EPS15L1: variants seen among roughly 807,000 people sequenced by gnomAD.
EPS15L1 encodes the protein epidermal growth factor receptor substrate 15-like 1.
Under a neutral mutation model 117.1 loss-of-function variants are expected in EPS15L1, and 43 were observed. The ratio of observed to expected loss-of-function variants is 0.37; its 90% CI spans 0.29 to 0.47. EPS15L1 has a LOEUF of 0.47. EPS15L1 is among the 20% of genes least tolerant of loss of function. EPS15L1 has a pLI of 0.99. For synonymous variants in EPS15L1, 459 were observed against 470.5 expected, an observed-to-expected ratio of 0.98 and a Z score of 0.32; for missense variants, 981 against 1,164.0, an observed-to-expected ratio of 0.84 and a Z score of 2.29.
Position 16,393,967 on chromosome 19 carries a change from C to T in EPS15L1, c.1950G>A (p.Gln650=). ...GAATTTTACCTGTTGAAGTTGTCTG[C>T]TGTTCTGCAAAGGGGTCATTCTGGA... ...DPFQNDPFAE[Q]QTTSTDPFGG... is the part of the protein sequence containing the mutation. The change falls in exon 18 of 24, where the codon CAG becomes CAA. Residue 650 remains glutamine, a synonymous_variant. Transcript: ENST00000455140. The T allele has an allele frequency of 6.2e-7, 1 of 1,614,102 alleles. No individual in the cohort carries two copies. The highest frequency in any genetic ancestry group is 8.5e-7 in the Non-Finnish European group (1 of 1,179,948).
chr19:16,415,910 C>A (rs1170187330), intron 12 of EPS15L1, among the ~76,000 whole-genome samples: 1 of 152,228 alleles, frequency 6.6e-6, no homozygotes, highest in African/African-American at 2.4e-5. Flanking sequence ...CTCAAGACAC[C>A]CTCAGCCTTG....
rs750358393 is a variant in EPS15L1, at chr19:16,381,369, G to A, written c.2247+3760C>T. Among the ~76,000 whole-genome samples the A allele has an allele frequency of 6.6e-5, 10 of 152,338 alleles. No individual in the cohort carries two copies. In the South Asian group the frequency reaches 1.9e-3, roughly 28 times the overall value. ...CCACCAGACGCTGCCCTCAGCTGCCGAGGGCCACCCCAGTGGTGGGTCCAG... is the reference window on the plus strand; with the variant it reads ...CCACCAGACGCTGCCCTCAGCTGCCAAGGGCCACCCCAGTGGTGGGTCCAG... On this transcript the variant is annotated intron_variant, in intron 21 of 23. Transcript: ENST00000455140. This position sits in a 1 kb window ranked among gnomAD's most constrained non-coding sequence, Gnocchi z 4.2.
Position 16,370,259 on chromosome 19 carries a change from G to A in EPS15L1, c.2380+6863C>T, listed in dbSNP as rs541327001. Among the ~76,000 whole-genome samples the A allele has an allele frequency of 2.6e-5, 4 of 152,222 alleles. No individual in the cohort carries two copies. In the East Asian group the frequency reaches 5.8e-4, roughly 22 times the overall value. On this transcript the variant is annotated intron_variant, in intron 22 of 23. Coordinates refer to ENST00000455140, the MANE Select transcript of EPS15L1 (RefSeq NM_001258374.3). The surrounding 1 kb of genome is among the most constrained non-coding windows in gnomAD (Gnocchi z 5.2). ...GTTAGCAGTGGCAGGCAAGGGGCGCGCTGACTCAGGGCTTTGAATAGGAGA... is the reference window on the plus strand; with the variant it reads ...GTTAGCAGTGGCAGGCAAGGGGCGCACTGACTCAGGGCTTTGAATAGGAGA...
chr19:16,448,205 T>C (rs779361771), intron 1 of EPS15L1, among the ~76,000 whole-genome samples: 20 of 152,120 alleles, frequency 1.3e-4, no homozygotes, highest in Admixed American at 4.6e-4. Flanking sequence ...AAAGGAAAGA[T>C]TGGCAGACAA....
At chr19:16,414,558 G>A (rs1230685043) in intron 12 of EPS15L1, among the ~76,000 whole-genome samples, 1 of 151,912 alleles carries the variant, frequency 6.6e-6, no homozygotes, top group Non-Finnish European at 1.5e-5. Flanking sequence ...GTGCCACCAC[G>A]CCCAGCTAAT....
intron 20 of EPS15L1, 42 bp downstream of exon 20, chr19:16,386,129 C>A (rs780087442): frequency 6.7e-7 from 1 of 1,495,136 alleles, no homozygotes; most frequent in Non-Finnish European, 9.3e-7. Flanking sequence ...TCTGCTACTG[C>A]CCAAGGAATA....
At chr19:16,449,165 T>C (rs1195072156) in intron 1 of EPS15L1, among the ~76,000 whole-genome samples, 1 of 151,758 alleles carries the variant, frequency 6.6e-6, no homozygotes, top group Non-Finnish European at 1.5e-5. Flanking sequence ...TCCCAGCTAC[T>C]CAGGAAGCCA....
intron 1 of EPS15L1, among the ~76,000 whole-genome samples, chr19:16,445,979 G>T (rs987506024): frequency 1.3e-5 from 2 of 152,162 alleles, no homozygotes; most frequent in African/African-American, 4.8e-5. Context: ...CTTTCAGCTC[G>T]GTCTTTCAGT....
At chr19:16,423,262 A>G (rs2092835801) in intron 9 of EPS15L1, among the ~76,000 whole-genome samples, 1 of 152,122 alleles carries the variant, frequency 6.6e-6, no homozygotes, top group African/African-American at 2.4e-5. Flanking sequence ...TGATCAAACA[A>G]TTTATCAAAA....
chr19:16,420,088 G>A (rs947443860), intron 10 of EPS15L1, among the ~76,000 whole-genome samples: 4 of 152,174 alleles, frequency 2.6e-5, no homozygotes, highest in Non-Finnish European at 5.9e-5. Context: ...CTCCTGGTGT[G>A]TCATCTACAT....
At position 16,421,359 on chromosome 19, in the gene EPS15L1, T is replaced by C; in HGVS notation, c.910A>G (p.Met304Val). The change falls in exon 10 of 24, where the codon ATG becomes GTG. Residue 304 changes from methionine (M) to valine (V), a missense_variant. Coordinates refer to ENST00000455140, the MANE Select transcript of EPS15L1 (RefSeq NM_001258374.3). The part of the protein sequence containing the change: ...VSGQEVKEIF[M>V]HSGLTQNLLA... ...AGGTTCTGGGTGAGGCCCGAGTGCA[T>C]GAAGATCTCCTTCACCTCCTGGCCA... The C allele has an allele frequency of 6.2e-7, 1 of 1,613,672 alleles. No individual in the cohort carries two copies. Among genetic ancestry groups the C allele is most frequent in the Non-Finnish European group, 8.5e-7 (1 of 1,179,660 alleles).
chr19:16,394,911 T>A (rs73021131), intron 17 of EPS15L1, among the ~76,000 whole-genome samples: 2,184 of 151,826 alleles, frequency 0.014, 26 homozygotes, highest in Non-Finnish European at 0.024. Flanking sequence ...GTTAACAGGG[T>A]GAGATAAGAA....
chr19:16,378,215 T>TAGGC lies in EPS15L1; in HGVS notation c.2248-965_2248-962dup, dbSNP rs554208279. On this transcript the variant is annotated intron_variant, in intron 21 of 23. Transcript: ENST00000455140. ...GACGTCTTGCAGGTAGGTAGGTAGGTAGGCACTTCCTATAGGGAAGCTCCA... is the reference window on the plus strand; with the variant it reads ...GACGTCTTGCAGGTAGGTAGGTAGGTAGGCAGGCACTTCCTATAGGGAAGCTCCA... Among the ~76,000 whole-genome samples the TAGGC allele has an allele frequency of 7.0e-3, 1,060 of 151,960 alleles. 13 individuals carry two copies. The highest frequency in any genetic ancestry group is 7.2e-3 in the Non-Finnish European group (489 of 67,924).
intron 19 of EPS15L1, among the ~76,000 whole-genome samples, chr19:16,388,205 G>A (rs1251918525): frequency 6.6e-6 from 1 of 152,054 alleles, no homozygotes; most frequent in Non-Finnish European, 1.5e-5. Context: ...ACCACGCCTG[G>A]CTAATTTTTG....
At position 16,404,035 on chromosome 19, in the gene EPS15L1, G is replaced by A; in HGVS notation, c.1429-105C>T. 9.2e-7 allele frequency: 1 copy of A among 1,087,210 alleles called. No individual in the cohort carries two copies. Among genetic ancestry groups the A allele is most frequent in the Middle Eastern group, 2.4e-4 (1 of 4,094 alleles). The allele number at this position is 1,087,210 out of a possible 1,614,324, so 67.3% of individuals were successfully genotyped here. A position where few individuals can be genotyped will look rare whatever the true frequency, so the allele number is the denominator to read the frequency against. On this transcript the variant is annotated intron_variant, in intron 14 of 23. Transcript: ENST00000455140. The surrounding 1 kb of genome is among the most constrained non-coding windows in gnomAD (Gnocchi z 4.2). ...CCATCCCCGAAACAAGCTAAGCCAGGGACGCAGACACCTAACCCAGGCCCG... is the reference window on the plus strand; with the variant it reads ...CCATCCCCGAAACAAGCTAAGCCAGAGACGCAGACACCTAACCCAGGCCCG...
rs187657057 is a variant in EPS15L1 at position 16,431,644 on chromosome 19, T to C, written c.498+2721A>G. On this transcript the variant is annotated intron_variant, in intron 7 of 23. Transcript: ENST00000455140. The stretch of plus-strand genomic sequence containing the variant: ...AAGTTCAACAGCACAACAGGGGAAC[T>C]ATAGCTAACAATAATTTATCATATC... Among the ~76,000 whole-genome samples, 310 of 152,290 alleles carry C rather than the reference T, an allele frequency of 2.0e-3. 2 individuals carry two copies. Among genetic ancestry groups the C allele is most frequent in the African/African-American group, 7.2e-3 (298 of 41,572 alleles).
At position 16,383,947 on chromosome 19, in the gene EPS15L1, C is replaced by T. The variant is rs1464086783; in HGVS notation, c.2247+1182G>A. ...TGGGGCACGCGTCTTCCAGGTACTC[C>T]CGGGGCTCCCTCCCCTCACCACCTT... On this transcript the variant is annotated intron_variant, in intron 21 of 23. Coordinates refer to ENST00000455140, the MANE Select transcript of EPS15L1 (RefSeq NM_001258374.3). This position sits in a 1 kb window ranked among gnomAD's most constrained non-coding sequence, Gnocchi z 5.2. The T allele has an allele frequency of 6.6e-6, 1 of 152,438 alleles. No individual in the cohort carries two copies. The highest frequency in any genetic ancestry group is 2.4e-5 in the African/African-American group (1 of 41,442). 9.4% of individuals were successfully genotyped at this position (152,438 alleles called of 1,614,324 possible). A position where few individuals can be genotyped will look rare whatever the true frequency, so the allele number is the denominator to read the frequency against.
intron 10 of EPS15L1, among the ~76,000 whole-genome samples, chr19:16,419,412 T>C (rs990418861): frequency 2.0e-5 from 3 of 151,998 alleles, no homozygotes; most frequent in Non-Finnish European, 4.4e-5. Context: ...TGAGCCAAGA[T>C]TGCGCCAATG....
At chr19:16,436,064 T>A (rs2092975239) in intron 6 of EPS15L1, among the ~76,000 whole-genome samples, 1 of 152,236 alleles carries the variant, frequency 6.6e-6, no homozygotes. Context: ...AAGTGCTTGA[T>A]GACAGAGGTG....
Sources: allele counts gnomAD v4.1 joint callset (sites outside exome capture counted in the v4.1 genomes callset), GRCh38; gene constraint gnomAD v4.1.1; non-coding constraint Gnocchi (gnomAD v3.1); transcripts MANE v1.5; gene names NCBI Gene and HGNC (gene_info 2026-07-23, HGNC 2026-07-21).